CADM2: variants seen among roughly 807,000 people sequenced by gnomAD.
CADM2 encodes immunoglobulin superfamily member 4D.
CADM2 carries 12 observed loss-of-function variants against 49.8 expected under a neutral mutation model. That is an observed-to-expected ratio of 0.24 (90% CI 0.15 to 0.39). The LOEUF is 0.39. Among genes scored for constraint, CADM2 ranks in the 10% least tolerant of loss-of-function variants. The pLI is 1.00. For synonymous variants in CADM2, 214 were observed against 175.4 expected (o/e 1.22, Z -1.74); for missense variants, 378 against 492.3 (o/e 0.77, Z 2.20).
intron 1 of CADM2, among the ~76,000 whole-genome samples, chr3:85,083,496 G>T (rs963608371): frequency 2.6e-5 from 4 of 152,000 alleles, no homozygotes; most frequent in Non-Finnish European, 5.9e-5. Flanking sequence ...TCACATACAT[G>T]ATCTTGAATA....
intron 1 of CADM2, among the ~76,000 whole-genome samples, chr3:85,104,707 GA>G (rs1330933940): frequency 2.6e-5 from 4 of 152,162 alleles, no homozygotes; most frequent in Non-Finnish European, 5.9e-5. Context: ...CATGAGCATG[GA>G]ATGCTCTTCC....
At chr3:85,739,382 T>A (rs1037394376) in intron 2 of CADM2, among the ~76,000 whole-genome samples, 11 of 152,142 alleles carry the variant, frequency 7.2e-5, no homozygotes, top group Non-Finnish European at 1.6e-4. Flanking sequence ...TGAATACATT[T>A]AGATACATTC....
intron 8 of CADM2, among the ~76,000 whole-genome samples, chr3:85,990,467 A>ATCT (rs1728648419): frequency 6.6e-6 from 1 of 152,184 alleles, no homozygotes; most frequent in Non-Finnish European, 1.5e-5. Flanking sequence ...TCATAAATTT[A>ATCT]GGCGCATCTG....
In CADM2 at chr3:85,677,181, GT is replaced by G. The variant is rs985703110; in HGVS notation, c.62-49333del. On this transcript the variant is annotated intron_variant, in intron 1 of 9. Transcript: ENST00000383699. ...TTCTGTCTACAGTATATATTTATAT[GT>G]TTTTTTTAACCCAGGGAATGATTTT... Among the ~76,000 whole-genome samples, 39 of 151,948 alleles carry G rather than the reference GT, an allele frequency of 2.6e-4. 1 individual carries two copies. The highest frequency in any genetic ancestry group is 7.2e-4 in the Admixed American group (11 of 15,262).
intron 2 of CADM2, among the ~76,000 whole-genome samples, chr3:85,765,775 G>A (rs929556383): frequency 3.3e-5 from 5 of 151,704 alleles, no homozygotes; most frequent in African/African-American, 1.2e-4. Context: ...ATCTTATTGA[G>A]TATATGACTA....
At chr3:84,979,704 A>AT (rs1412614111) in intron 1 of CADM2, among the ~76,000 whole-genome samples, 16 of 152,102 alleles carry the variant, frequency 1.1e-4, no homozygotes, top group African/African-American at 1.9e-4. Context: ...TAAAAAAAAA[A>AT]GGTGTTCTTC....
chr3:86,012,593 G>C (rs1376890872), intron 8 of CADM2: 2 of 1,572,714 alleles, frequency 1.3e-6, no homozygotes, highest in Admixed American at 1.8e-5. Context: ...CCAACTGCAC[G>C]CGAAGCGCAC....
chr3:85,811,855 ATGT>A (rs2072898559), intron 3 of CADM2, among the ~76,000 whole-genome samples: 2 of 128,180 alleles, frequency 1.6e-5, no homozygotes, highest in East Asian at 2.4e-4. Flanking sequence ...AAATGCCTTG[ATGT>A]TTTTTTTTTT....
chr3:85,705,364 C>T (rs1008638759), intron 1 of CADM2, among the ~76,000 whole-genome samples: 2 of 151,998 alleles, frequency 1.3e-5, no homozygotes, highest in African/African-American at 2.4e-5. Flanking sequence ...TACTGTCTTT[C>T]TCTTATTAGA....
intron 8 of CADM2, among the ~76,000 whole-genome samples, chr3:85,995,975 A>C (rs1729361734): frequency 6.6e-6 from 1 of 151,776 alleles, no homozygotes; most frequent in Non-Finnish European, 1.5e-5. Flanking sequence ...CTGTAGTCCC[A>C]GCTACTCGGG....
At chr3:85,154,091 AT>A (rs1308695455) in intron 1 of CADM2, among the ~76,000 whole-genome samples, 8 of 152,240 alleles carry the variant, frequency 5.3e-5, no homozygotes, top group Admixed American at 4.6e-4. Flanking sequence ...TGGACGGAGA[AT>A]GACTTTGATG....
intron 1 of CADM2, among the ~76,000 whole-genome samples, chr3:85,664,847 C>T (rs1470177970): frequency 2.0e-5 from 3 of 151,980 alleles, no homozygotes; most frequent in Admixed American, 2.0e-4. Context: ...GCAGTCACCC[C>T]TGCCCCCCTT....
chr3:85,552,150 C>T (rs112825707), intron 1 of CADM2, among the ~76,000 whole-genome samples: 5 of 151,980 alleles, frequency 3.3e-5, no homozygotes, highest in Non-Finnish European at 5.9e-5. Context: ...AGACTTTAGA[C>T]ATGAGCTATC....
intron 8 of CADM2, among the ~76,000 whole-genome samples, chr3:86,010,279 G>T (rs1577939097): frequency 1.3e-5 from 2 of 151,912 alleles, no homozygotes; most frequent in Admixed American, 1.3e-4. Flanking sequence ...ATACAATTCT[G>T]CTCTTCAAAT....
intron 1 of CADM2, among the ~76,000 whole-genome samples, chr3:85,695,598 A>G (rs2066526415): frequency 6.6e-6 from 1 of 152,014 alleles, no homozygotes; most frequent in African/African-American, 2.4e-5. Flanking sequence ...GTACACACAC[A>G]CACACACACG....
intron 8 of CADM2, among the ~76,000 whole-genome samples, chr3:85,984,766 T>C (rs570836904): frequency 5.1e-4 from 78 of 152,062 alleles, no homozygotes; most frequent in African/African-American, 1.8e-3. Context: ...ACACAATCCA[T>C]GTAAAACTTC....
chr3:85,405,107 T>C (rs1279762831), intron 1 of CADM2, among the ~76,000 whole-genome samples: 1 of 152,132 alleles, frequency 6.6e-6, no homozygotes, highest in Non-Finnish European at 1.5e-5. Context: ...TGCATAATAC[T>C]GTGAAGAACT....
chr3:85,040,102 C>G (rs1277780242), intron 1 of CADM2, among the ~76,000 whole-genome samples: 1 of 152,018 alleles, frequency 6.6e-6, no homozygotes, highest in African/African-American at 2.4e-5. Context: ...ACTAATAAAC[C>G]TAAAAGGAAG....
rs181271574 is a variant in CADM2, at chr3:85,733,435, A to G, written c.88+6887A>G. ...AGGGATATTGACATGCATTTGCTCTATGGATTATCTCATTACTTTCTGTTG... is the reference window on the plus strand; with the variant it reads ...AGGGATATTGACATGCATTTGCTCTGTGGATTATCTCATTACTTTCTGTTG... On this transcript the variant is annotated intron_variant, in intron 2 of 9. Coordinates refer to ENST00000383699, the MANE Select transcript of CADM2 (RefSeq NM_001167675.2). Among the ~76,000 whole-genome samples the G allele has an allele frequency of 1.6e-4, 24 of 152,286 alleles. No homozygotes were observed. In the East Asian group the frequency reaches 4.4e-3, roughly 28 times the overall value.
Sources: allele counts gnomAD v4.1 joint callset (sites outside exome capture counted in the v4.1 genomes callset), GRCh38; gene constraint gnomAD v4.1.1; transcripts MANE v1.5; gene names NCBI Gene and HGNC (gene_info 2026-07-23, HGNC 2026-07-21).